The following EML6 variants were observed in gnomAD, a reference collection of about 807,000 sequenced individuals.
The protein encoded by EML6 is echinoderm microtubule-associated protein-like 6.
A neutral mutation model predicts 240.1 loss-of-function variants in EML6; 154 were observed. The observed-to-expected ratio is 0.64, with a 90% confidence interval of 0.56 to 0.73. The LOEUF (loss-of-function observed/expected upper bound fraction) is 0.73. EML6 is among the 30% of genes least tolerant of loss of function. The pLI, the probability that EML6 is intolerant of heterozygous loss-of-function variation, is 0.00. For missense variants in EML6, 2,964 were observed against 2,474.6 expected (o/e 1.20, Z -4.20); for synonymous variants, 1,148 against 899.0 (o/e 1.28, Z -4.95).
At chr2:54,753,639 C>T (rs1012066923) in intron 2 of EML6, among the ~76,000 whole-genome samples, 4 of 151,054 alleles carry the variant, frequency 2.6e-5, no homozygotes, top group South Asian at 2.1e-4. Context: ...TCCCTAGGGC[C>T]CCCAGTAAGA....
rs1676669600 is a variant in EML6, at chr2:54,964,613, A to G, written c.5373A>G (p.Glu1791=). The G allele has an allele frequency of 6.4e-7, 1 of 1,552,436 alleles. No individual in the cohort carries two copies. Among genetic ancestry groups the G allele is most frequent in the Non-Finnish European group, 8.7e-7 (1 of 1,147,134 alleles). Residue 1791 remains glutamate (E), a synonymous_variant, in exon 38 of 42, where the codon GAA becomes GAG. Coordinates refer to ENST00000356458, the MANE Select transcript of EML6 (RefSeq NM_001039753.4). ...DNRFLAVGSS[E]HTVDFYDLTQ... ...GATTCTTAGCCGTTGGTTCTTCTGA[A>G]CACACAGTTGACTTCTATGACCTCA...
chr2:54,760,005 C>G (rs12615703), intron 2 of EML6, among the ~76,000 whole-genome samples: 5 of 151,370 alleles, frequency 3.3e-5, no homozygotes, highest in African/African-American at 9.7e-5. Flanking sequence ...ATCAAGACTC[C>G]GGCTCCGATT....
intron 4 of EML6, among the ~76,000 whole-genome samples, chr2:54,819,760 C>T (rs1359398859): frequency 5.9e-5 from 7 of 117,666 alleles, no homozygotes; most frequent in African/African-American, 9.6e-5. Context: ...GGTGACGGAG[C>T]GAGACTGTCT....
At chr2:54,959,841 GTTATTC>G (rs1472481648) in intron 34 of EML6, among the ~76,000 whole-genome samples, 1 of 152,174 alleles carries the variant, frequency 6.6e-6, no homozygotes, top group Non-Finnish European at 1.5e-5. Context: ...TTGATAAAAC[GTTATTC>G]TTAGTAGCTC....
At chr2:54,823,009 G>A (rs996674758) in intron 5 of EML6, among the ~76,000 whole-genome samples, 2 of 152,098 alleles carry the variant, frequency 1.3e-5, no homozygotes, top group South Asian at 2.1e-4. Flanking sequence ...TGCTTTATTA[G>A]CAGCAGCTGG....
rs1676240048 is a variant in EML6 at position 54,956,516 on chromosome 2, A to G, written c.4487-1274A>G. 1.3e-5 allele frequency among the ~76,000 whole-genome samples: 2 copies of G among 152,170 alleles called. 1 individual carries two copies. Among genetic ancestry groups the G allele is most frequent in the South Asian group, 4.2e-4 (2 of 4,812 alleles). ...TATGTTGTGTTACTTTGTTTATGGT[A>G]TCCTTGGAGACTGTGGGTCTTAAAA... On this transcript the variant is annotated intron_variant, in intron 32 of 41. Coordinates refer to ENST00000356458, the MANE Select transcript of EML6 (RefSeq NM_001039753.4).
chr2:54,938,447 A>G (rs1480895557), intron 28 of EML6, among the ~76,000 whole-genome samples: 1 of 152,244 alleles, frequency 6.6e-6, no homozygotes, highest in African/African-American at 2.4e-5. Flanking sequence ...AGTGAGACAT[A>G]CAGCCATGCT....
intron 12 of EML6, 124 bp downstream of exon 12, chr2:54,859,825 T>A: frequency 1.4e-6 from 1 of 731,914 alleles, no homozygotes; most frequent in Non-Finnish European, 2.1e-6. Flanking sequence ...CCTGTAATCT[T>A]AAAATTTTAA....
intron 3 of EML6, among the ~76,000 whole-genome samples, chr2:54,816,478 T>C (rs1211038000): frequency 6.6e-6 from 1 of 152,208 alleles, no homozygotes; most frequent in Non-Finnish European, 1.5e-5. Flanking sequence ...TTCCAAATGC[T>C]GCTATCAAGT....
At chr2:54,782,278 T>TA (rs1668887591) in intron 2 of EML6, among the ~76,000 whole-genome samples, 1 of 152,226 alleles carries the variant, frequency 6.6e-6, no homozygotes, top group Non-Finnish European at 1.5e-5. Context: ...ACAAAACCTT[T>TA]AAAAATATTT....
intron 2 of EML6, among the ~76,000 whole-genome samples, chr2:54,731,002 G>A (rs560519003): frequency 6.6e-6 from 1 of 152,142 alleles, no homozygotes; most frequent in East Asian, 1.9e-4. Context: ...AGAGAAACTG[G>A]GTTGAATGGG....
intron 24 of EML6, among the ~76,000 whole-genome samples, chr2:54,903,971 C>G (rs1673187803): frequency 6.6e-6 from 1 of 152,184 alleles, no homozygotes; most frequent in South Asian, 2.1e-4. Flanking sequence ...TTTCTCTGCT[C>G]TATAAAACTC....
chr2:54,899,691 C>T lies in EML6; in HGVS notation c.3033C>T (p.Pro1011=). The change falls in exon 22 of 42, where the codon CCC becomes CCT. Residue 1011 remains proline (P), a synonymous_variant. Coordinates refer to ENST00000356458, the MANE Select transcript of EML6 (RefSeq NM_001039753.4). ...VWGLAAHPLL[P]ICATVSDDKT... is the part of the protein sequence containing the mutation. ...GGTTGGCAGCTCACCCTCTCCTGCC[C>T]ATCTGTGCAACAGTGAGCGATGATA... 1.9e-6 allele frequency: 3 copies of T among 1,553,804 alleles called. No homozygotes were observed. The highest frequency in any genetic ancestry group is 2.6e-6 in the Non-Finnish European group (3 of 1,148,124).
In EML6 at chr2:54,964,554, C is replaced by T. The variant is rs886812957; in HGVS notation, c.5331-17C>T. ...CAGCCCTCCTCATGGACTCTGCTCT[C>T]GGATTGCTTTTTCTAGAATCAGCCC... is the stretch of plus-strand genomic sequence containing the variant. On this transcript the variant is annotated splice_polypyrimidine_tract_variant and intron_variant, in intron 37 of 41. Transcript: ENST00000356458. 1.4e-5 allele frequency: 22 copies of T among 1,551,716 alleles called. No homozygotes were observed. The highest frequency in any genetic ancestry group is 9.8e-5 in the East Asian group (4 of 40,930).
intron 24 of EML6, among the ~76,000 whole-genome samples, chr2:54,908,097 T>TA (rs1485715450): frequency 6.6e-6 from 1 of 152,132 alleles, no homozygotes; most frequent in Non-Finnish European, 1.5e-5. Context: ...ATTTTGGTTT[T>TA]AAAAAAATAC....
intron 4 of EML6, among the ~76,000 whole-genome samples, chr2:54,820,168 A>T (rs1040690049): frequency 6.6e-6 from 1 of 152,160 alleles, no homozygotes; most frequent in Non-Finnish European, 1.5e-5. Context: ...GTTCTAAATA[A>T]TTATGGTAAG....
intron 2 of EML6, chr2:54,748,315 C>T (rs1684010015): frequency 6.6e-6 from 1 of 152,114 alleles, no homozygotes; most frequent in Non-Finnish European, 1.5e-5. Flanking sequence ...AAGCTATAAA[C>T]TAAAAATCAT....
At chr2:54,789,544 A>G (rs866628234) in intron 2 of EML6, among the ~76,000 whole-genome samples, 3,032 of 142,528 alleles carry the variant, frequency 0.021, 139 homozygotes, top group African/African-American at 0.07. Flanking sequence ...AAAAAAAAAA[A>G]AAAAGAAAAA....
At chr2:54,793,576 C>G (rs1408493864) in intron 2 of EML6, among the ~76,000 whole-genome samples, 2 of 152,110 alleles carry the variant, frequency 1.3e-5, no homozygotes, top group East Asian at 1.9e-4. Flanking sequence ...GCAATTGTTT[C>G]AAAGGCTGTG....
Sources: allele counts gnomAD v4.1 joint callset (sites outside exome capture counted in the v4.1 genomes callset), GRCh38; gene constraint gnomAD v4.1.1; transcripts MANE v1.5; gene names NCBI Gene and HGNC (gene_info 2026-07-23, HGNC 2026-07-21).